Variants in MAST2 observed in about 807,000 individuals in gnomAD.
The protein encoded by MAST2 is microtubule-associated serine/threonine-protein kinase 2.
In MAST2, 70 loss-of-function variants were observed where a neutral mutation model predicts 147.4. The ratio of observed to expected loss-of-function variants is 0.47; its 90% CI spans 0.39 to 0.58. MAST2 has a LOEUF of 0.58. Among genes scored for constraint, MAST2 ranks in the 20% least tolerant of loss-of-function variants. The pLI is 0.00. For synonymous variants in MAST2, 869 were observed against 896.8 expected, an observed-to-expected ratio of 0.97 and a Z score of 0.55; for missense variants, 2,080 against 2,302.3, an observed-to-expected ratio of 0.90 and a Z score of 1.98.
chr1:45,927,070 C>T (rs978430044), intron 4 of MAST2, among the ~76,000 whole-genome samples: 2 of 152,070 alleles, frequency 1.3e-5, no homozygotes, highest in Non-Finnish European at 2.9e-5. Context: ...ATCCGTGATG[C>T]CCCACAAGCC....
intron 5 of MAST2, among the ~76,000 whole-genome samples, chr1:45,979,853 A>G (rs1387041793): frequency 6.6e-6 from 1 of 152,230 alleles, no homozygotes; most frequent in Non-Finnish European, 1.5e-5. Context: ...AACAAAAAAA[A>G]GTAGCTATAA....
chr1:45,922,907 G>A (rs527883471), intron 4 of MAST2, among the ~76,000 whole-genome samples: 333 of 152,334 alleles, frequency 2.2e-3, no homozygotes, highest in Non-Finnish European at 4.0e-3. Context: ...ATCGAGTCTG[G>A]TGCTCCTGGT....
At chr1:45,983,542 G>C (rs372881065) in intron 5 of MAST2, among the ~76,000 whole-genome samples, 17 of 150,126 alleles carry the variant, frequency 1.1e-4, no homozygotes, top group African/African-American at 3.9e-4. Flanking sequence ...CCAGGCTGGA[G>C]TGCAGTGACA....
chr1:45,946,099 C>G (rs1657988837), intron 4 of MAST2, among the ~76,000 whole-genome samples: 1 of 152,216 alleles, frequency 6.6e-6, no homozygotes, highest in African/African-American at 2.4e-5. Flanking sequence ...AAATAATAAA[C>G]ATGTATCAGG....
At chr1:45,824,704 TG>T in intron 2 of MAST2, 124 bp downstream of exon 2, 1 of 969,570 alleles carries the variant, frequency 1.0e-6, no homozygotes, top group East Asian at 2.7e-5. Context: ...AGAACATTTA[TG>T]GTAAGGCTGT....
At position 46,035,187 on chromosome 1, in the gene MAST2, C is replaced by T. The variant is rs368394271; in HGVS notation, c.4518C>T (p.Asp1506=). ...TTCGTGAGGTGGACTCCTCAGAGGA[C>T]GACACCGAGGAAGGGCCTGAGAACA... ...EAIREVDSSE[D]DTEEGPENSQ... Residue 1506 remains aspartate (D), a synonymous_variant, in exon 29 of 29, where the codon GAC becomes GAT. Transcript: ENST00000361297. This position sits in a 1 kb window ranked among gnomAD's most constrained non-coding sequence, Gnocchi z 5.5. 1.1e-4 allele frequency: 182 copies of T among 1,613,838 alleles called. No homozygotes were observed. Among genetic ancestry groups the T allele is most frequent in the Non-Finnish European group, 1.4e-4 (166 of 1,180,008 alleles).
In MAST2 at chr1:46,034,081, G is replaced by T; in HGVS notation, c.3683G>T (p.Arg1228Met). Reference protein sequence around the residue: ...RGKDGQESRKRSSLFRKITKQ... With the variant: ...RGKDGQESRKMSSLFRKITKQ... ...GACCCTTATCCCCGCAGCAGAAAAA[G>T]GAGCTCCCTGTTCCGCAAGATCACC... Residue 1228 changes from arginine (R) to methionine (M), a missense_variant, in exon 28 of 29, where the codon AGG becomes ATG. By Grantham distance (91) the Arg-to-Met change is moderately conservative. This residue lies in a region of MAST2 where 1,278 missense variants were observed against 1,304.2 expected (regional missense o/e 0.98). Coordinates refer to ENST00000361297, the MANE Select transcript of MAST2 (RefSeq NM_015112.3). The T allele has an allele frequency of 6.2e-7, 1 of 1,613,234 alleles. No homozygotes were observed. The highest frequency in any genetic ancestry group is 1.1e-5 in the South Asian group (1 of 90,938).
intron 4 of MAST2, among the ~76,000 whole-genome samples, chr1:45,927,029 G>A (rs1291849923): frequency 6.6e-6 from 1 of 152,144 alleles, no homozygotes; most frequent in Non-Finnish European, 1.5e-5. Context: ...TTAAAGCTGG[G>A]TGTCCGGGGG....
intron 10 of MAST2, among the ~76,000 whole-genome samples, chr1:46,014,629 C>G (rs1311827864): frequency 6.6e-6 from 1 of 151,880 alleles, no homozygotes; most frequent in Non-Finnish European, 1.5e-5. Flanking sequence ...AGCTAACTAT[C>G]CTAAATATAT....
intron 21 of MAST2, 133 bp downstream of exon 21, chr1:46,030,371 G>C: frequency 2.1e-6 from 2 of 946,522 alleles, no homozygotes; most frequent in Non-Finnish European, 3.2e-6. Flanking sequence ...GGAGCTAAGG[G>C]TTGGGGCTAC....
At chr1:45,965,033 G>A (rs1660968895) in intron 5 of MAST2, among the ~76,000 whole-genome samples, 1 of 152,336 alleles carries the variant, frequency 6.6e-6, no homozygotes, top group East Asian at 1.9e-4. Flanking sequence ...GCGATTTTGA[G>A]TGAGTTTCTT....
rs549314280 is a variant in MAST2, at chr1:45,942,414, GTTT to G, written c.501-16970_501-16968del. Among the ~76,000 whole-genome samples the G allele has an allele frequency of 6.6e-5, 10 of 152,276 alleles. No homozygotes were observed. The South Asian group carries it at 1.9e-3, about 28-fold the overall frequency. On this transcript the variant is annotated intron_variant, in intron 4 of 28. Coordinates refer to ENST00000361297, the MANE Select transcript of MAST2 (RefSeq NM_015112.3). ...TGAGGACATGGAGATGCATAATAGA[GTTT>G]TACACTTGGCAACATGTATTCATGT... is the stretch of plus-strand genomic sequence containing the variant.
At chr1:45,818,183 G>T (rs1408132685) in intron 1 of MAST2, among the ~76,000 whole-genome samples, 1 of 152,186 alleles carries the variant, frequency 6.6e-6, no homozygotes, top group Non-Finnish European at 1.5e-5. Context: ...ACCAATGCTG[G>T]TGTCAGGCGT....
intron 26 of MAST2, among the ~76,000 whole-genome samples, chr1:46,033,393 C>T (rs898904311): frequency 2.0e-5 from 3 of 151,014 alleles, no homozygotes; most frequent in Admixed American, 6.6e-5. Flanking sequence ...GAGCTGAGAT[C>T]GCACCACTGC....
chr1:45,915,553 A>G (rs1382759120), intron 4 of MAST2, among the ~76,000 whole-genome samples: 1 of 152,080 alleles, frequency 6.6e-6, no homozygotes, highest in African/African-American at 2.4e-5. Context: ...TACTGAAAAT[A>G]CAAAAAATTA....
At chr1:45,833,131 C>T (rs796426895) in intron 3 of MAST2, among the ~76,000 whole-genome samples, 56 of 152,150 alleles carry the variant, frequency 3.7e-4, no homozygotes, top group African/African-American at 1.2e-3. Context: ...TTTTTGTTGC[C>T]GAATAGTATT....
At chr1:45,853,334 AAC>A (rs1446346661) in intron 3 of MAST2, among the ~76,000 whole-genome samples, 3 of 152,122 alleles carry the variant, frequency 2.0e-5, no homozygotes, top group African/African-American at 4.8e-5. Context: ...TGTTTTGCAT[AAC>A]ACATTTATTA....
At chr1:45,866,395 C>T (rs1023203325) in intron 3 of MAST2, among the ~76,000 whole-genome samples, 1 of 152,154 alleles carries the variant, frequency 6.6e-6, no homozygotes, top group Non-Finnish European at 1.5e-5. Flanking sequence ...GATGACCTCT[C>T]ATAAGTAGTG....
At chr1:45,954,114 C>T (rs777400949) in intron 4 of MAST2, among the ~76,000 whole-genome samples, 2 of 152,128 alleles carry the variant, frequency 1.3e-5, no homozygotes, top group Non-Finnish European at 2.9e-5. Flanking sequence ...CAAGTACTAT[C>T]CAGTCACGGA....
Sources: allele counts gnomAD v4.1 joint callset (sites outside exome capture counted in the v4.1 genomes callset), GRCh38; gene constraint gnomAD v4.1.1; regional missense constraint gnomAD v4.1.1; non-coding constraint Gnocchi (gnomAD v3.1); transcripts MANE v1.5; gene names NCBI Gene and HGNC (gene_info 2026-07-23, HGNC 2026-07-21).